Variants in SOD2 observed in about 807,000 individuals in gnomAD.
The protein encoded by SOD2 is superoxide dismutase 2, also known as superoxide dismutase [Mn], mitochondrial.
A neutral mutation model predicts 27.0 loss-of-function variants in SOD2; 11 were observed. The observed-to-expected ratio is 0.41, with a 90% CI of 0.26 to 0.67. SOD2 has a LOEUF of 0.67. SOD2 is among the 30% of genes least tolerant of loss of function. The probability of loss-of-function intolerance (pLI) is 0.34; values close to 1 mark genes in which losing one functional copy is unlikely to be tolerated. For missense variants in SOD2, 250 were observed against 274.5 expected (o/e 0.91, Z 0.63); for synonymous variants, 105 against 103.0 (o/e 1.02, Z -0.12).
chr6:159,704,483 G>T (rs1357575564), intron 1 of SOD2, among the ~76,000 whole-genome samples: 3 of 152,340 alleles, frequency 2.0e-5, no homozygotes, highest in Admixed American at 1.3e-4. Context: ...ATTATATCCT[G>T]TGCCTGGCTC....
At chr6:159,752,795 G>A (rs1779870262) in intron 1 of SOD2, among the ~76,000 whole-genome samples, 1 of 152,136 alleles carries the variant, frequency 6.6e-6, no homozygotes, top group Non-Finnish European at 1.5e-5. Context: ...TGTTTCCGAA[G>A]CTGGAATGCA....
At chr6:159,748,410 T>C, upstream of SOD2, 1 of 1,606,274 alleles carries the variant, frequency 6.2e-7, no homozygotes, top group Middle Eastern at 1.7e-4. This position sits in a 1 kb window ranked among gnomAD's most constrained non-coding sequence, Gnocchi z 5.6. Context: ...TCCCTGACAG[T>C]CCCACTACGA....
At chr6:159,759,063 CTT>C (rs530379827) in intron 1 of SOD2, among the ~76,000 whole-genome samples, 12 of 142,784 alleles carry the variant, frequency 8.4e-5, no homozygotes, top group Admixed American at 7.0e-5. Context: ...TATTTTATTT[CTT>C]TTTTTTTTTT....
rs528615847 is a variant in SOD2, at chr6:159,704,412, G to A, written c.-115-11549C>T. On this transcript the variant is annotated intron_variant, in intron 1 of 2. Transcript: ENST00000401980. ...TGTGACAGACGGCACCTGGAAAATC[G>A]GTTCACTCCCACCCTAATACTGCGC... 6.6e-5 allele frequency among the ~76,000 whole-genome samples: 10 copies of A among 152,278 alleles called. No homozygotes were observed. The South Asian group carries it at 1.9e-3, about 28-fold the overall frequency.
rs763624973 is a variant in SOD2, at chr6:159,673,329, A to C, written c.*9164T>G. 4 of 152,210 alleles carry C rather than the reference A, an allele frequency of 2.6e-5. No homozygotes were observed. The highest frequency in any genetic ancestry group is 5.9e-5 in the Non-Finnish European group (4 of 68,032). The allele number at this position is 152,210 out of a possible 1,614,324, so 9.4% of individuals were successfully genotyped here. On this transcript the variant is annotated 3_prime_UTR_variant, in exon 5 of 5. Transcript: ENST00000538183. ...CAGCACCACATCGCACCTATTCCAA[A>C]ATTGACCACATAGTTGGAAGTAAAG...
upstream of SOD2, among the ~76,000 whole-genome samples, chr6:159,731,942 G>C (rs1778596308): frequency 6.6e-6 from 1 of 151,834 alleles, no homozygotes; most frequent in African/African-American, 2.4e-5. Flanking sequence ...TTTTATTTTA[G>C]TGGAATAAGA....
chr6:159,746,138 G>A (rs571554898), upstream of SOD2, among the ~76,000 whole-genome samples: 14 of 152,166 alleles, frequency 9.2e-5, no homozygotes, highest in Non-Finnish European at 1.3e-4. Flanking sequence ...ATTTAAAATT[G>A]TTCGTTAGAT....
rs746977080 is a variant in SOD2 at position 159,682,544 on chromosome 6, A to G, written c.618T>C (p.Asn206=). The change falls in exon 5 of 5, where the codon AAT becomes AAC. Residue 206 remains asparagine (N), a synonymous_variant. Coordinates refer to ENST00000538183, the MANE Select transcript of SOD2 (RefSeq NM_000636.4). ...CAGTTACATTCTCCCAGTTGATTAC[A>G]TTCCAAATAGCTTTTAGATAATCAG... ...VRPDYLKAIW[N]VINWENVTER... 9 of 1,614,110 alleles carry G rather than the reference A, an allele frequency of 5.6e-6. No homozygotes were observed. Among genetic ancestry groups the G allele is most frequent in the Non-Finnish European group, 7.6e-6 (9 of 1,179,986 alleles).
At chr6:159,759,769 C>T (rs1340220930) in intron 1 of SOD2, among the ~76,000 whole-genome samples, 1 of 152,082 alleles carries the variant, frequency 6.6e-6, no homozygotes, top group Non-Finnish European at 1.5e-5. Context: ...ATAATGAGGA[C>T]TCCTCAGGGG....
rs199970536 is a variant in SOD2, at chr6:159,737,487, A to AT, written c.-116+7642dup. On this transcript the variant is annotated intron_variant, in intron 1 of 3. Transcript: ENST00000537657. ...GTAAGGGAATACTAATAAAGCCTTT[A>AT]TTTTATTTTTATTTTTTATTTTCTG... 5.2e-3 allele frequency among the ~76,000 whole-genome samples: 786 copies of AT among 151,956 alleles called. 5 individuals carry two copies. The highest frequency in any genetic ancestry group is 0.018 in the African/African-American group (744 of 41,482).
chr6:159,694,597 ATTAT>A (rs1319834814), upstream of SOD2, among the ~76,000 whole-genome samples: 3 of 151,722 alleles, frequency 2.0e-5, no homozygotes, highest in African/African-American at 4.8e-5. Context: ...TTTTTAATTT[ATTAT>A]TTATTTATTT....
chr6:159,701,063 C>A (rs1777514786), intron 1 of SOD2, among the ~76,000 whole-genome samples: 1 of 152,154 alleles, frequency 6.6e-6, no homozygotes, highest in Non-Finnish European at 1.5e-5. Flanking sequence ...TAAGATTTCC[C>A]TGTATTCCAC....
At chr6:159,727,333 T>G (rs1353718000) in exon 1 of SOD2, 4 of 1,240,652 alleles carry the variant, frequency 3.2e-6, no homozygotes, top group Non-Finnish European at 3.1e-6. Flanking sequence ...GCGACTCTCC[T>G]GTGAGTGGGC....
chr6:159,735,847 G>A (rs1209857329), intron 1 of SOD2, among the ~76,000 whole-genome samples: 1 of 152,064 alleles, frequency 6.6e-6, no homozygotes, highest in African/African-American at 2.4e-5. Flanking sequence ...ACAACATAAT[G>A]CTATAAAAGG....
At chr6:159,723,292 C>T (rs1219825697) in intron 1 of SOD2, among the ~76,000 whole-genome samples, 1 of 152,184 alleles carries the variant, frequency 6.6e-6, no homozygotes, top group African/African-American at 2.4e-5. Context: ...ATTTCCATCA[C>T]CCCCAAAAGT....
chr6:159,742,011 G>A (rs1448862019), intron 1 of SOD2: 6 of 1,064,074 alleles, frequency 5.6e-6, no homozygotes, highest in Non-Finnish European at 8.3e-6. Flanking sequence ...TAAAATCTGT[G>A]AGTTTATAGA....
chr6:159,691,727 A>G (rs74508466), intron 2 of SOD2: 2 of 23,984 alleles, frequency 8.3e-5, no homozygotes, highest in East Asian at 9.2e-4. Context: ...AGCTCTTGAG[A>G]AAAAAAAAAA....
At chr6:159,761,943 A>G (rs1441515388) in exon 1 of SOD2, 3 of 962,568 alleles carry the variant, frequency 3.1e-6, no homozygotes, top group Admixed American at 2.1e-5. Flanking sequence ...GCACAGTGGG[A>G]TGCGCGGGGA....
At position 159,672,868 on chromosome 6, in the gene SOD2, C is replaced by A. The variant is rs767712454; in HGVS notation, c.*9625G>T. ...AACCCATCTCACGTACAGAGACACACACACATAGGCTCAAAATAAAAGGAT... is the reference window on the plus strand; with the variant it reads ...AACCCATCTCACGTACAGAGACACAAACACATAGGCTCAAAATAAAAGGAT... On this transcript the variant is annotated 3_prime_UTR_variant, in exon 5 of 5. Coordinates refer to ENST00000538183, the MANE Select transcript of SOD2 (RefSeq NM_000636.4). 10 of 152,108 alleles carry A rather than the reference C, an allele frequency of 6.6e-5. No individual in the cohort carries two copies. Among genetic ancestry groups the A allele is most frequent in the African/African-American group, 1.7e-4 (7 of 41,474 alleles). 9.4% of individuals were successfully genotyped at this position (152,108 alleles called of 1,614,324 possible).
Sources: allele counts gnomAD v4.1 joint callset (sites outside exome capture counted in the v4.1 genomes callset), GRCh38; gene constraint gnomAD v4.1.1; non-coding constraint Gnocchi (gnomAD v3.1); transcripts MANE v1.5; gene names NCBI Gene and HGNC (gene_info 2026-07-23, HGNC 2026-07-21).